PRELID2: variants seen among roughly 807,000 people sequenced by gnomAD.
PRELID2 encodes PRELI domain containing 2.
PRELID2 carries 25 observed loss-of-function variants against 28.4 expected under a neutral mutation model. That is an observed-to-expected ratio of 0.88 (90% CI 0.64 to 1.23). The LOEUF is 1.23. PRELID2 is among the 50% of genes most tolerant of loss of function. The pLI, the probability that PRELID2 is intolerant of heterozygous loss-of-function variation, is 0.00. For missense variants in PRELID2, 201 were observed against 214.4 expected, an observed-to-expected ratio of 0.94 and a Z score of 0.39; for synonymous variants, 76 against 71.6, an observed-to-expected ratio of 1.06 and a Z score of -0.31.
the PRELID2 span, among the ~76,000 whole-genome samples, chr5:145,452,879 G>C: frequency 6.6e-6 from 1 of 152,070 alleles, no homozygotes; most frequent in Non-Finnish European, 1.5e-5. Context: ...AAGATATAAG[G>C]GGCCATTTCC....
chr5:145,344,193 G>C, the PRELID2 span, among the ~76,000 whole-genome samples: 1 of 151,852 alleles, frequency 6.6e-6, no homozygotes, highest in East Asian at 1.9e-4. Flanking sequence ...AATAAGACAA[G>C]GACACAACAA....
chr5:145,695,376 C>T (rs543800625), intron 1 of PRELID2, among the ~76,000 whole-genome samples: 1 of 152,304 alleles, frequency 6.6e-6, no homozygotes, highest in East Asian at 1.9e-4. Context: ...GCCTGAATGA[C>T]TAGAGGCTAG....
intron 1 of PRELID2, among the ~76,000 whole-genome samples, chr5:145,507,394 T>C (rs1441700067): frequency 6.6e-6 from 1 of 152,162 alleles, no homozygotes; most frequent in African/African-American, 2.4e-5. Flanking sequence ...GATGCCTGTA[T>C]AACACTTCCC....
At chr5:145,725,535 C>T (rs1472037905) in intron 1 of PRELID2, among the ~76,000 whole-genome samples, 1 of 152,138 alleles carries the variant, frequency 6.6e-6, no homozygotes, top group East Asian at 1.9e-4. Context: ...AATACTATTG[C>T]AATAGCACAG....
rs1754646838 is a variant in PRELID2 at position 145,819,970 on chromosome 5, T to C, written c.182A>G (p.Asn61Ser). Residue 61 changes from asparagine (N) to serine (S), a missense_variant, in exon 3 of 7, where the codon AAC becomes AGC. Physicochemically the swap from Asn to Ser is conservative, Grantham distance 46. Transcript: ENST00000683046. ...CTTCCTTAAAATTTCTGGAACCACG[T>C]TCTGACAGATTGCAATCCTCTTTCT... is the stretch of plus-strand genomic sequence containing the variant. The part of the protein sequence containing the change: ...IYRKRIAICQ[N>S]VVPEILRKVS... 2 of 1,608,392 alleles carry C rather than the reference T, an allele frequency of 1.2e-6. No individual in the cohort carries two copies. Among genetic ancestry groups the C allele is most frequent in the African/African-American group, 2.7e-5 (2 of 74,860 alleles).
chr5:145,302,025 C>T, the PRELID2 span, among the ~76,000 whole-genome samples: 9 of 147,268 alleles, frequency 6.1e-5, no homozygotes, highest in Admixed American at 2.1e-4. Context: ...AAAAAGATGG[C>T]CAAGATGTTC....
chr5:145,480,398 T>C (rs1752146891), intron 1 of PRELID2, among the ~76,000 whole-genome samples: 1 of 152,116 alleles, frequency 6.6e-6, no homozygotes. Flanking sequence ...GAAGTATCAA[T>C]GATATACAGG....
chr5:145,320,751 T>A, the PRELID2 span, among the ~76,000 whole-genome samples: 1 of 152,192 alleles, frequency 6.6e-6, no homozygotes, highest in Non-Finnish European at 1.5e-5. Flanking sequence ...CAGAAAAGAC[T>A]GAAAAAAATA....
intron 1 of PRELID2, among the ~76,000 whole-genome samples, chr5:145,590,381 T>G (rs1294590841): frequency 2.0e-5 from 3 of 152,218 alleles, no homozygotes; most frequent in African/African-American, 4.8e-5. Context: ...TATTACAATC[T>G]AACATTTCCT....
chr5:145,817,754 G>A, intron 4 of PRELID2, 140 bp downstream of exon 4: 9 of 700,144 alleles, frequency 1.3e-5, no homozygotes, highest in Non-Finnish European at 1.8e-5. Flanking sequence ...ATTAATTACT[G>A]TGATTAAAAA....
the PRELID2 span, among the ~76,000 whole-genome samples, chr5:145,244,144 G>T: frequency 6.6e-6 from 1 of 151,962 alleles, no homozygotes; most frequent in African/African-American, 2.4e-5. Flanking sequence ...CAGTAGAGAC[G>T]GGGTTTCAGT....
At chr5:145,459,168 A>G in the PRELID2 span, among the ~76,000 whole-genome samples, 1 of 152,198 alleles carries the variant, frequency 6.6e-6, no homozygotes, top group African/African-American at 2.4e-5. Context: ...GCTTTGAATG[A>G]ATATCTAAAA....
At chr5:145,789,924 G>A (rs1169012517) in intron 5 of PRELID2, among the ~76,000 whole-genome samples, 2 of 152,152 alleles carry the variant, frequency 1.3e-5, no homozygotes, top group African/African-American at 4.8e-5. Flanking sequence ...TTAGAGAAAT[G>A]TAAATTAAAA....
intron 1 of PRELID2, among the ~76,000 whole-genome samples, chr5:145,627,097 CAAAAAAAAAAAAAAAAAAAAAAAAAAAA>C (rs745309247): frequency 0.032 from 1,326 of 41,808 alleles, 51 homozygotes; most frequent in African/African-American, 0.09. Flanking sequence ...AAGACTCTCC[CAAAAAAAAAAAAAAAAAAAAAAAAAAAA>C]AAAAAAAAAA....
chr5:145,643,798 T>A (rs1754150078), intron 1 of PRELID2, among the ~76,000 whole-genome samples: 1 of 152,218 alleles, frequency 6.6e-6, no homozygotes, highest in African/African-American at 2.4e-5. Flanking sequence ...TGGTTCTCTT[T>A]ATGTGATGGA....
At chr5:145,253,747 CAGT>C in the PRELID2 span, among the ~76,000 whole-genome samples, 1 of 151,592 alleles carries the variant, frequency 6.6e-6, no homozygotes, top group African/African-American at 2.4e-5. Context: ...CATTTGAACG[CAGT>C]TATTCCTCCA....
chr5:145,713,538 TTATA>T (rs1042076390), intron 1 of PRELID2, among the ~76,000 whole-genome samples: 1 of 143,006 alleles, frequency 7.0e-6, no homozygotes. Flanking sequence ...TTAAAGTGCT[TTATA>T]TATATATACT....
At chr5:145,452,284 T>C in the PRELID2 span, among the ~76,000 whole-genome samples, 96,592 of 151,986 alleles carry the variant, frequency 0.64, 31,284 homozygotes, top group Non-Finnish European at 0.69. Flanking sequence ...TTTTATAAGG[T>C]TTTTTATGAT....
At chr5:145,661,376 C>T (rs145813667) in intron 1 of PRELID2, among the ~76,000 whole-genome samples, 1 of 152,210 alleles carries the variant, frequency 6.6e-6, no homozygotes, top group African/African-American at 2.4e-5. Context: ...TGCGGCATTG[C>T]ATGACCCACT....
Sources: gnomAD v4.1 joint callset for allele counts (sites outside exome capture counted in the v4.1 genomes callset) on GRCh38, gnomAD v4.1.1 for gene constraint, MANE v1.5 for transcripts, NCBI Gene and HGNC (gene_info 2026-07-23, HGNC 2026-07-21) for gene names.